Variants in CSMD3 observed in about 807,000 individuals in gnomAD.
CSMD3 encodes CUB and Sushi multiple domains 3.
Under a neutral mutation model 435.2 loss-of-function variants are expected in CSMD3, and 177 were observed. That is an observed-to-expected ratio of 0.41 (90% CI 0.36 to 0.46). CSMD3 has a LOEUF of 0.46. Ranked by LOEUF, CSMD3 falls within the 20% of genes least tolerant of loss-of-function variation. The pLI is 0.34. For synonymous variants in CSMD3, 1,656 were observed against 1,520.5 expected (o/e 1.09, Z -2.07); for missense variants, 4,265 against 4,504.6 (o/e 0.95, Z 1.52).
chr8:112,369,811 A>G (rs1165824459), intron 38 of CSMD3, among the ~76,000 whole-genome samples: 2 of 152,022 alleles, frequency 1.3e-5, no homozygotes, highest in Non-Finnish European at 1.5e-5. Context: ...GCAAACCACC[A>G]TAGCACATGT....
At chr8:113,088,546 T>A (rs1251238956) in intron 5 of CSMD3, among the ~76,000 whole-genome samples, 7 of 151,738 alleles carry the variant, frequency 4.6e-5, no homozygotes, top group African/African-American at 1.7e-4. Flanking sequence ...AAGGATAAGT[T>A]CATGTCCTTT....
intron 5 of CSMD3, among the ~76,000 whole-genome samples, chr8:113,085,736 T>C (rs908636936): frequency 2.0e-5 from 3 of 152,280 alleles, no homozygotes; most frequent in Admixed American, 1.3e-4. Flanking sequence ...ATGGTGCTCA[T>C]AGATGTAGAG....
chr8:113,243,535 C>A (rs181512824), intron 3 of CSMD3, among the ~76,000 whole-genome samples: 76 of 152,040 alleles, frequency 5.0e-4, no homozygotes, highest in Non-Finnish European at 9.0e-4. Flanking sequence ...CTTGTTTCCA[C>A]ATTTTGACTA....
intron 32 of CSMD3, among the ~76,000 whole-genome samples, chr8:112,432,258 T>C (rs918333669): frequency 4.6e-5 from 7 of 152,170 alleles, no homozygotes; most frequent in Admixed American, 1.3e-4. Context: ...ACACGGAAGA[T>C]TGCACAAACT....
At position 112,233,473 on chromosome 8, in the gene CSMD3, A is replaced by C. The variant is rs577912949; in HGVS notation, c.10740+892T>G. ...CAATTAAACAATCTGAGTGCATTGA[A>C]GATTTGACTCAGTTCCCAACTCCAT... is the stretch of plus-strand genomic sequence containing the variant. On this transcript the variant is annotated intron_variant, in intron 68 of 70. Coordinates refer to ENST00000297405, the MANE Select transcript of CSMD3 (RefSeq NM_198123.2). Among the ~76,000 whole-genome samples, 156 of 152,306 alleles carry C rather than the reference A, an allele frequency of 1.0e-3. 1 individual carries two copies. Among genetic ancestry groups the C allele is most frequent in the Middle Eastern group, 6.8e-3 (2 of 294 alleles).
At chr8:112,865,683 A>ACC (rs766539809) in intron 10 of CSMD3, among the ~76,000 whole-genome samples, 1 of 72,876 alleles carries the variant, frequency 1.4e-5, no homozygotes, top group Non-Finnish European at 2.9e-5. Context: ...ACCTTTACAT[A>ACC]CCCCACACAC....
intron 23 of CSMD3, among the ~76,000 whole-genome samples, chr8:112,573,931 T>C (rs1328254906): frequency 6.6e-6 from 1 of 151,972 alleles, no homozygotes; most frequent in Non-Finnish European, 1.5e-5. Context: ...AAATGCTTTT[T>C]CTGGGAGACA....
chr8:112,631,873 G>T (rs1437598236), intron 22 of CSMD3, among the ~76,000 whole-genome samples: 2 of 151,882 alleles, frequency 1.3e-5, no homozygotes, highest in East Asian at 3.9e-4. Context: ...GAAAATTAAG[G>T]CATTTGCCTA....
rs1472774519 is a variant in CSMD3, at chr8:112,254,278, G to A, written c.10085C>T (p.Ser3362Phe). The A allele has an allele frequency of 6.2e-7, 1 of 1,612,430 alleles. No individual in the cohort carries two copies. Among genetic ancestry groups the A allele is most frequent in the Non-Finnish European group, 8.5e-7 (1 of 1,178,826 alleles). The change falls in exon 63 of 71, where the codon TCT (serine) becomes TTT (phenylalanine). Residue 3362 changes from serine to phenylalanine, a missense_variant. By Grantham distance (155) the Ser-to-Phe change is radical. Coordinates refer to ENST00000297405, the MANE Select transcript of CSMD3 (RefSeq NM_198123.2). ...CENPGVPRHG[S>F]QNNTFGFQVG... ...TTGAAATCCGAATGTATTGTTCTGA[G>A]ATCCATGCCGAGGCACACCTGGGTT...
At chr8:113,369,900 T>G (rs2133044671) in intron 1 of CSMD3, among the ~76,000 whole-genome samples, 1 of 151,958 alleles carries the variant, frequency 6.6e-6, no homozygotes, top group African/African-American at 2.4e-5. Context: ...TACTAGAGGC[T>G]GAGGCAGTGA....
In CSMD3 at chr8:112,475,212, T is replaced by A. The variant is rs1294581480; in HGVS notation, c.5279-2505A>T. 2.0e-5 allele frequency among the ~76,000 whole-genome samples: 3 copies of A among 152,214 alleles called. No homozygotes were observed. The East Asian group carries it at 5.8e-4, about 29-fold the overall frequency. On this transcript the variant is annotated intron_variant, in intron 31 of 70. Transcript: ENST00000297405. Reference sequence around the variant, plus strand: ...GAAACTTCTAACTCAAGTTCAGTTCTGTAACTTAGTCATGAACATTGTGCC... The same window carrying A: ...GAAACTTCTAACTCAAGTTCAGTTCAGTAACTTAGTCATGAACATTGTGCC...
chr8:112,560,055 CA>C (rs1241653701), intron 24 of CSMD3, among the ~76,000 whole-genome samples: 1 of 151,574 alleles, frequency 6.6e-6, no homozygotes, highest in Non-Finnish European at 1.5e-5. Context: ...AATTAGAAAG[CA>C]AAAAAGTGTA....
chr8:112,451,543 CTT>C (rs894273159), intron 32 of CSMD3, among the ~76,000 whole-genome samples: 3 of 144,674 alleles, frequency 2.1e-5, no homozygotes, highest in African/African-American at 2.5e-5. Context: ...ATAATCTTCT[CTT>C]TTTTTTTTTT....
intron 13 of CSMD3, among the ~76,000 whole-genome samples, chr8:112,699,449 A>G (rs1482084820): frequency 6.6e-6 from 1 of 152,212 alleles, no homozygotes; most frequent in Admixed American, 6.5e-5. Flanking sequence ...GACAGTTAAT[A>G]AATACAGAAT....
chr8:113,396,711 T>A (rs1394555780), intron 1 of CSMD3, among the ~76,000 whole-genome samples: 1 of 152,118 alleles, frequency 6.6e-6, no homozygotes, highest in African/African-American at 2.4e-5. Context: ...AAAGAAATAG[T>A]CTCTCTTTAA....
At chr8:112,362,545 A>G (rs1827347973) in intron 38 of CSMD3, among the ~76,000 whole-genome samples, 1 of 152,008 alleles carries the variant, frequency 6.6e-6, no homozygotes, top group Admixed American at 6.6e-5. Flanking sequence ...GGTATTATTC[A>G]TTCATTCAAT....
Position 113,027,421 on chromosome 8 carries a change from T to C in CSMD3, c.918-8242A>G, listed in dbSNP as rs138133746. Among the ~76,000 whole-genome samples, 23 of 152,284 alleles carry C rather than the reference T, an allele frequency of 1.5e-4. No homozygotes were observed. The East Asian group carries it at 3.9e-3, about 26-fold the overall frequency. ...TTTAGGAACTAAATTAATTCACTTA[T>C]GGAATGACGTTAAATGCATTAATTT... On this transcript the variant is annotated intron_variant, in intron 5 of 70. Coordinates refer to ENST00000297405, the MANE Select transcript of CSMD3 (RefSeq NM_198123.2).
chr8:112,730,184 T>C (rs1367537547), intron 13 of CSMD3, among the ~76,000 whole-genome samples: 1 of 152,014 alleles, frequency 6.6e-6, no homozygotes, highest in African/African-American at 2.4e-5. Flanking sequence ...GATCTAGACT[T>C]AAAAGAGAAG....
chr8:112,839,134 T>G (rs1433809539), intron 11 of CSMD3, among the ~76,000 whole-genome samples: 2 of 151,812 alleles, frequency 1.3e-5, no homozygotes, highest in Non-Finnish European at 2.9e-5. Context: ...TCCACTTTGC[T>G]GCCAGCATCA....
Sources: gnomAD v4.1 joint callset for allele counts (sites outside exome capture counted in the v4.1 genomes callset) on GRCh38, gnomAD v4.1.1 for gene constraint, MANE v1.5 for transcripts, NCBI Gene and HGNC (gene_info 2026-07-23, HGNC 2026-07-21) for gene names.